The following AKAP6 variants were observed in gnomAD, a reference collection of about 807,000 sequenced individuals.
The protein encoded by AKAP6 is A-kinase anchor protein 6.
A neutral mutation model predicts 188.5 loss-of-function variants in AKAP6; 58 were observed. The ratio of observed to expected loss-of-function variants is 0.31; its 90% CI spans 0.25 to 0.38. The LOEUF is 0.38. Among genes scored for constraint, AKAP6 ranks in the 10% least tolerant of loss-of-function variants. AKAP6 has a pLI of 1.00. For missense variants in AKAP6, 2,710 were observed against 2,740.0 expected (o/e 0.99, Z 0.24); for synonymous variants, 989 against 998.6 (o/e 0.99, Z 0.18).
chr14:32,823,250 A>G lies in AKAP6; in HGVS notation c.5437A>G (p.Thr1813Ala). 6.2e-7 allele frequency: 1 copy of G among 1,613,780 alleles called. No individual in the cohort carries two copies. Among genetic ancestry groups the G allele is most frequent in the Non-Finnish European group, 8.5e-7 (1 of 1,179,894 alleles). ...CTGGATTAGGCCAAAATTGTCTTTG[A>G]CAAGAGATAAGAAAAGGTGCAATGT... ...QTWIRPKLSL[T>A]RDKKRCNVSD... Residue 1813 changes from threonine (T) to alanine (A), a missense_variant, in exon 13 of 14, where the codon ACA (threonine) becomes GCA (alanine). Thr to Ala is a moderately conservative substitution (Grantham distance 58). Coordinates refer to ENST00000280979, the MANE Select transcript of AKAP6 (RefSeq NM_004274.5).
intron 9 of AKAP6, among the ~76,000 whole-genome samples, chr14:32,717,364 C>G (rs759576625): frequency 5.3e-5 from 8 of 152,056 alleles, no homozygotes; most frequent in Non-Finnish European, 1.0e-4. Flanking sequence ...TTCAGGGAAG[C>G]CATTCACTAA....
At chr14:32,492,153 C>T (rs1880049166) in intron 2 of AKAP6, among the ~76,000 whole-genome samples, 1 of 151,866 alleles carries the variant, frequency 6.6e-6, no homozygotes, top group Non-Finnish European at 1.5e-5. Context: ...GATGCCCCTT[C>T]CTCCTTGCAT....
chr14:32,470,264 A>T (rs1878700166), intron 2 of AKAP6, among the ~76,000 whole-genome samples: 1 of 152,322 alleles, frequency 6.6e-6, no homozygotes, highest in Non-Finnish European at 1.5e-5. Flanking sequence ...GCATTTTAAC[A>T]AGATCCCCAG....
intron 11 of AKAP6, 92 bp downstream of exon 11, chr14:32,735,974 C>A: frequency 1.1e-6 from 1 of 880,168 alleles, no homozygotes; most frequent in Non-Finnish European, 1.7e-6. Context: ...ACCCATGTAT[C>A]TGTGTATCAC....
chr14:32,719,539 T>C (rs1447497595), intron 9 of AKAP6, among the ~76,000 whole-genome samples: 1 of 152,190 alleles, frequency 6.6e-6, no homozygotes, highest in African/African-American at 2.4e-5. Context: ...AGATATCTCT[T>C]TGAGGAAATA....
intron 12 of AKAP6, among the ~76,000 whole-genome samples, chr14:32,780,157 C>CCATATATATAT (rs142218168): frequency 2.5e-5 from 3 of 119,346 alleles, no homozygotes; most frequent in African/African-American, 6.4e-5. Context: ...AAAAAAAAAA[C>CCATATATATAT]ATATATATAT....
intron 8 of AKAP6, chr14:32,693,766 A>T (rs1171188223): frequency 6.6e-6 from 1 of 152,066 alleles, no homozygotes; most frequent in Admixed American, 6.6e-5. Context: ...CTTGAATCAG[A>T]TACTCTTCTA....
At position 32,546,959 on chromosome 14, in the gene AKAP6, A is replaced by G; in HGVS notation, c.2306A>G (p.Gln769Arg). ...ALIQKLMQDI[Q>R]HQDNYEAIWE... is the part of the protein sequence containing the mutation. ...ATTCAGAAACTGATGCAAGATATTC[A>G]GCACCAAGACAACTATGAAGCCATA... Residue 769 changes from glutamine to arginine, a missense_variant, in exon 4 of 14, where the codon CAG becomes CGG. Around this residue, in one of 2 missense-constraint regions of AKAP6, gnomAD observed 2,473 missense variants for 2,426.1 expected, o/e 1.02. Transcript: ENST00000280979. 1 of 1,608,238 alleles carries G rather than the reference A, an allele frequency of 6.2e-7. No individual in the cohort carries two copies.
chr14:32,810,013 A>T (rs2034184233), intron 12 of AKAP6, among the ~76,000 whole-genome samples: 1 of 152,340 alleles, frequency 6.6e-6, no homozygotes, highest in African/African-American at 2.4e-5. Flanking sequence ...CAAGCAAAGC[A>T]GAGATATTCA....
At chr14:32,677,306 A>G (rs955886059) in intron 7 of AKAP6, among the ~76,000 whole-genome samples, 4 of 152,184 alleles carry the variant, frequency 2.6e-5, no homozygotes, top group Non-Finnish European at 5.9e-5. Flanking sequence ...ATCTGGCCCA[A>G]CTTTTCTTCT....
intron 7 of AKAP6, among the ~76,000 whole-genome samples, chr14:32,644,019 A>G (rs17099408): frequency 0.016 from 2,389 of 152,286 alleles, 77 homozygotes; most frequent in African/African-American, 0.052. Flanking sequence ...TGTGATGCTC[A>G]TGTGTGTACA....
At chr14:32,637,181 G>T (rs923362071) in intron 7 of AKAP6, among the ~76,000 whole-genome samples, 1 of 152,102 alleles carries the variant, frequency 6.6e-6, no homozygotes, top group Non-Finnish European at 1.5e-5. Flanking sequence ...GGCCTAGTAC[G>T]TAGAATACAT....
At chr14:32,796,133 A>G (rs2033761595) in intron 12 of AKAP6, among the ~76,000 whole-genome samples, 1 of 152,172 alleles carries the variant, frequency 6.6e-6, no homozygotes, top group African/African-American at 2.4e-5. Flanking sequence ...CAGAGAGTAC[A>G]TAAACAAATG....
chr14:32,688,617 G>C (rs1029389362), intron 8 of AKAP6, among the ~76,000 whole-genome samples: 4 of 152,086 alleles, frequency 2.6e-5, no homozygotes, highest in African/African-American at 9.7e-5. Flanking sequence ...AACTTCTTAT[G>C]CTGTTGAGAC....
chr14:32,547,119 C>A (rs1594731952), intron 4 of AKAP6, 120 bp downstream of exon 4: 4 of 1,010,694 alleles, frequency 4.0e-6, no homozygotes, highest in East Asian at 5.1e-5. Flanking sequence ...AAATCTGATT[C>A]TCCAAAGAAA....
At chr14:32,744,453 A>G (rs2031807803) in intron 11 of AKAP6, among the ~76,000 whole-genome samples, 1 of 152,014 alleles carries the variant, frequency 6.6e-6, no homozygotes, top group South Asian at 2.1e-4. Flanking sequence ...AGTAGCTGGG[A>G]CTACAGGCAC....
intron 4 of AKAP6, among the ~76,000 whole-genome samples, chr14:32,567,727 T>G (rs890446977): frequency 1.3e-5 from 2 of 152,162 alleles, no homozygotes; most frequent in Non-Finnish European, 1.5e-5. Flanking sequence ...GTGCAAGAGT[T>G]CTTACTAATC....
chr14:32,829,464 C>T (rs571962687), intron 13 of AKAP6, among the ~76,000 whole-genome samples: 10 of 152,090 alleles, frequency 6.6e-5, no homozygotes, highest in Non-Finnish European at 1.2e-4. Flanking sequence ...AATATTTTGC[C>T]GCATCACTTG....
At chr14:32,661,794 A>C (rs980540795) in intron 7 of AKAP6, among the ~76,000 whole-genome samples, 6 of 152,100 alleles carry the variant, frequency 3.9e-5, no homozygotes, top group African/African-American at 1.4e-4. Context: ...GGACAAAGTA[A>C]TTTATTTGAC....
Sources: gnomAD v4.1 joint callset for allele counts (sites outside exome capture counted in the v4.1 genomes callset) on GRCh38, gnomAD v4.1.1 for gene constraint, gnomAD v4.1.1 regional missense constraint, MANE v1.5 for transcripts, NCBI Gene and HGNC (gene_info 2026-07-23, HGNC 2026-07-21) for gene names.